Variants in UBE3D observed in about 807,000 individuals in gnomAD.
UBE3D encodes the protein ubiquitin protein ligase E3D, also known as E3 ubiquitin-protein ligase E3D.
UBE3D carries 48 observed loss-of-function variants against 49.6 expected under a neutral mutation model. That is an observed-to-expected ratio of 0.97 (90% CI 0.77 to 1.23). UBE3D has a LOEUF of 1.23. Among genes scored for constraint, UBE3D ranks in the 50% most tolerant of loss-of-function variants. The probability of loss-of-function intolerance (pLI) is 0.00; values close to 1 mark genes in which losing one functional copy is unlikely to be tolerated. For missense variants in UBE3D, 452 were observed against 468.4 expected, an observed-to-expected ratio of 0.96 and a Z score of 0.32; for synonymous variants, 189 against 174.2, an observed-to-expected ratio of 1.08 and a Z score of -0.67.
chr6:82,954,998 A>C (rs1776057559), intron 9 of UBE3D, among the ~76,000 whole-genome samples: 1 of 152,204 alleles, frequency 6.6e-6, no homozygotes, highest in African/African-American at 2.4e-5. Flanking sequence ...TATTCAGAAA[A>C]GGGACTAAAA....
At chr6:82,926,380 T>C (rs1773751297) in intron 9 of UBE3D, among the ~76,000 whole-genome samples, 1 of 152,172 alleles carries the variant, frequency 6.6e-6, no homozygotes, top group Non-Finnish European at 1.5e-5. Context: ...AGACTGTTAC[T>C]TGCTTGCAAG....
intron 9 of UBE3D, among the ~76,000 whole-genome samples, chr6:82,916,224 G>C (rs1327642255): frequency 6.6e-6 from 1 of 152,096 alleles, no homozygotes; most frequent in Non-Finnish European, 1.5e-5. Flanking sequence ...CCAATTTCTA[G>C]GCCCATACCC....
chr6:83,005,439 A>G (rs1417485328), intron 8 of UBE3D, among the ~76,000 whole-genome samples: 1 of 152,134 alleles, frequency 6.6e-6, no homozygotes, highest in Admixed American at 6.5e-5. Flanking sequence ...TCAAATAATT[A>G]AAAATAGAAC....
At chr6:82,886,795 A>T in the UBE3D span, among the ~76,000 whole-genome samples, 1 of 152,246 alleles carries the variant, frequency 6.6e-6, no homozygotes, top group Non-Finnish European at 1.5e-5. Context: ...TGTGCTAGAC[A>T]AAGTGTCTAT....
At chr6:82,896,681 T>C (rs1424764314) in intron 9 of UBE3D, among the ~76,000 whole-genome samples, 1 of 152,192 alleles carries the variant, frequency 6.6e-6, no homozygotes, top group Non-Finnish European at 1.5e-5. Context: ...TTACCCTAGA[T>C]AACAAATTTA....
chr6:83,043,063 A>G (rs968431755), intron 4 of UBE3D, among the ~76,000 whole-genome samples: 12 of 152,244 alleles, frequency 7.9e-5, no homozygotes, highest in African/African-American at 2.7e-4. Flanking sequence ...TGTAATGTCT[A>G]AAAATATGAT....
At chr6:83,039,363 T>G (rs1009364786) in intron 4 of UBE3D, among the ~76,000 whole-genome samples, 1 of 152,214 alleles carries the variant, frequency 6.6e-6, no homozygotes, top group Admixed American at 6.5e-5. Flanking sequence ...GTATTTAATC[T>G]AAGGAAAAAA....
intron 8 of UBE3D, among the ~76,000 whole-genome samples, chr6:83,000,682 T>TG (rs1261574309): frequency 2.6e-5 from 4 of 152,116 alleles, no homozygotes. Context: ...GTCCCTGAGT[T>TG]GGTCTGTCTC....
rs914021342 is a variant in UBE3D at position 83,044,666 on chromosome 6, G to C, written c.366-7C>G. On this transcript the variant is annotated splice_region_variant and splice_polypyrimidine_tract_variant and intron_variant, in intron 3 of 9. Transcript: ENST00000369747. Reference sequence around the variant, plus strand: ...GAGCACCCTGAGGAGCTTCCTAGTGGAAAGAGGAAAAATCATTTTTCACAG... The same window carrying C: ...GAGCACCCTGAGGAGCTTCCTAGTGCAAAGAGGAAAAATCATTTTTCACAG... 6 of 1,598,512 alleles carry C rather than the reference G, an allele frequency of 3.8e-6. No individual in the cohort carries two copies. The Admixed American group carries it at 8.6e-5, about 23-fold the overall frequency.
At chr6:82,936,872 A>T (rs1463966619) in intron 9 of UBE3D, among the ~76,000 whole-genome samples, 1 of 152,202 alleles carries the variant, frequency 6.6e-6, no homozygotes, top group Non-Finnish European at 1.5e-5. Flanking sequence ...CTTCTGTGAA[A>T]CTTTCAACTA....
At chr6:82,884,398 T>G in the UBE3D span, among the ~76,000 whole-genome samples, 1 of 152,132 alleles carries the variant, frequency 6.6e-6, no homozygotes, top group Non-Finnish European at 1.5e-5. Context: ...ACAGATGCCA[T>G]GAGGTAAATG....
intron 3 of UBE3D, among the ~76,000 whole-genome samples, chr6:83,045,240 G>A (rs929270462): frequency 6.6e-6 from 1 of 151,776 alleles, no homozygotes; most frequent in Non-Finnish European, 1.5e-5. Flanking sequence ...CCTATTTGGT[G>A]AATTTCTTTT....
chr6:83,036,794 T>G (rs1275782589), intron 5 of UBE3D: 1 of 151,402 alleles, frequency 6.6e-6, no homozygotes, highest in Non-Finnish European at 1.5e-5. Context: ...TATTCATAGG[T>G]GCAATAATAG....
At chr6:82,914,049 C>A (rs759158926) in intron 9 of UBE3D, among the ~76,000 whole-genome samples, 6 of 152,334 alleles carry the variant, frequency 3.9e-5, no homozygotes, top group Admixed American at 2.6e-4. Flanking sequence ...AAATGTCTTA[C>A]ATGACTTGCT....
intron 8 of UBE3D, among the ~76,000 whole-genome samples, chr6:82,983,750 T>C (rs1055858322): frequency 1.3e-5 from 2 of 152,178 alleles, no homozygotes; most frequent in Non-Finnish European, 2.9e-5. Context: ...AGTTTATTAC[T>C]ACCACACTGT....
chr6:83,022,864 A>G (rs988631246), intron 6 of UBE3D, among the ~76,000 whole-genome samples: 1 of 150,964 alleles, frequency 6.6e-6, no homozygotes, highest in East Asian at 2.0e-4. Flanking sequence ...TCAATACTCC[A>G]TTTGTGCTGT....
At chr6:83,062,310 C>T (rs993792517) in intron 1 of UBE3D, among the ~76,000 whole-genome samples, 1 of 152,138 alleles carries the variant, frequency 6.6e-6, no homozygotes, top group Admixed American at 6.5e-5. Context: ...ATAAATAGAT[C>T]TTTACATCTG....
chr6:82,885,640 G>A, the UBE3D span, among the ~76,000 whole-genome samples: 1 of 152,040 alleles, frequency 6.6e-6, no homozygotes, highest in Non-Finnish European at 1.5e-5. Context: ...CTACATTTTA[G>A]AGCTCAAAAA....
intron 8 of UBE3D, among the ~76,000 whole-genome samples, chr6:83,005,281 T>C (rs1462935916): frequency 1.3e-5 from 2 of 151,192 alleles, no homozygotes; most frequent in African/African-American, 2.4e-5. Context: ...CACAATGATA[T>C]CACCTCACAT....
Sources: allele counts gnomAD v4.1 joint callset (sites outside exome capture counted in the v4.1 genomes callset), GRCh38; gene constraint gnomAD v4.1.1; transcripts MANE v1.5; gene names NCBI Gene and HGNC (gene_info 2026-07-23, HGNC 2026-07-21).